The following ELF1 variants were observed in gnomAD, a reference collection of about 807,000 sequenced individuals.
ELF1 encodes ETS-related transcription factor Elf-1.
ELF1 carries 24 observed loss-of-function variants against 59.9 expected under a neutral mutation model. That is an observed-to-expected ratio of 0.40 (90% CI 0.29 to 0.56). The LOEUF (loss-of-function observed/expected upper bound fraction) is 0.56. Among genes scored for constraint, ELF1 ranks in the 20% least tolerant of loss-of-function variants. The probability of loss-of-function intolerance (pLI) is 0.44; values close to 1 mark genes in which losing one functional copy is unlikely to be tolerated. For synonymous variants in ELF1, 248 were observed against 266.2 expected (o/e 0.93, Z 0.67); for missense variants, 627 against 742.2 (o/e 0.84, Z 1.80).
chr13:40,956,571 CAAAAAAAAA>C (rs34245662), intron 3 of ELF1, among the ~76,000 whole-genome samples: 14 of 76,146 alleles, frequency 1.8e-4, no homozygotes, highest in South Asian at 4.4e-4. Flanking sequence ...CAAGAATGAT[CAAAAAAAAA>C]AAAAAAAAAA....
At chr13:41,000,826 T>C (rs1874390456) in intron 1 of ELF1, among the ~76,000 whole-genome samples, 1 of 151,904 alleles carries the variant, frequency 6.6e-6, no homozygotes, top group African/African-American at 2.4e-5. Flanking sequence ...TCTGCATAGA[T>C]ACAAAAATCT....
At chr13:40,959,223 G>A (rs543374694) in intron 2 of ELF1, among the ~76,000 whole-genome samples, 68 of 152,166 alleles carry the variant, frequency 4.5e-4, no homozygotes, top group African/African-American at 1.5e-3. Context: ...AAGGCTGGGC[G>A]CGGTGACTCA....
intron 2 of ELF1, among the ~76,000 whole-genome samples, chr13:40,962,692 A>G (rs1871917023): frequency 1.3e-5 from 2 of 152,006 alleles, no homozygotes; most frequent in African/African-American, 2.4e-5. Flanking sequence ...AAAAAAAAAA[A>G]AAAAGAAGAA....
At chr13:40,977,736 T>C (rs1336032051) in intron 2 of ELF1, among the ~76,000 whole-genome samples, 2 of 152,196 alleles carry the variant, frequency 1.3e-5, no homozygotes, top group Admixed American at 6.5e-5. Flanking sequence ...AAGCTAACTC[T>C]AAAATTCATT....
Position 40,968,102 on chromosome 13 carries a change from G to C in ELF1, c.73-9086C>G, listed in dbSNP as rs866221794. On this transcript the variant is annotated intron_variant, in intron 2 of 8. Transcript: ENST00000239882. Reference sequence around the variant, plus strand: ...TGATACATATGTGTGTTCACTTTGTGAAAATTCATAAACTGCATGCTTATT... The same window carrying C: ...TGATACATATGTGTGTTCACTTTGTCAAAATTCATAAACTGCATGCTTATT... 5.9e-5 allele frequency among the ~76,000 whole-genome samples: 9 copies of C among 152,276 alleles called. No individual in the cohort carries two copies. In the South Asian group the frequency reaches 1.0e-3, roughly 18 times the overall value.
At chr13:40,955,161 C>T (rs1277937663) in intron 3 of ELF1, among the ~76,000 whole-genome samples, 52 of 149,760 alleles carry the variant, frequency 3.5e-4, no homozygotes, top group Admixed American at 5.3e-4. Context: ...GTGAGGAGCC[C>T]CTCCGCCCGG....
rs556041668 is a variant in ELF1 at position 41,060,847 on chromosome 13, A to G, written c.-238T>C. The G allele has an allele frequency of 2.3e-5, 7 of 303,056 alleles. 2 individuals are homozygous for G. The highest frequency in any genetic ancestry group is 4.6e-5 in the Non-Finnish European group (7 of 153,228). 18.8% of individuals were successfully genotyped at this position (303,056 alleles called of 1,614,324 possible). A position where few individuals can be genotyped will look rare whatever the true frequency, so the allele number is the denominator to read the frequency against. ...AACTGCCGTGACCCACCTGACAAGCATAAGTGCCTCTGCCTCCTTCGCCGC... is the reference window on the plus strand; with the variant it reads ...AACTGCCGTGACCCACCTGACAAGCGTAAGTGCCTCTGCCTCCTTCGCCGC... On this transcript the variant is annotated 5_prime_UTR_variant, in exon 1 of 2. Coordinates refer to the ELF1 transcript ENST00000405737.
chr13:40,954,501 A>C (rs985294515), intron 3 of ELF1, among the ~76,000 whole-genome samples: 1 of 151,098 alleles, frequency 6.6e-6, no homozygotes, highest in Non-Finnish European at 1.5e-5. Context: ...ATGCCGAGCC[A>C]AAGCTGGACT....
chr13:41,029,096 C>T (rs1273507474), intron 1 of ELF1, among the ~76,000 whole-genome samples: 3 of 152,160 alleles, frequency 2.0e-5, no homozygotes, highest in Non-Finnish European at 4.4e-5. Flanking sequence ...AAGAGAACAA[C>T]ATTCAAGAGC....
At chr13:41,023,207 G>A (rs1406422619), upstream of ELF1, among the ~76,000 whole-genome samples, 1 of 152,090 alleles carries the variant, frequency 6.6e-6, no homozygotes, top group Non-Finnish European at 1.5e-5. Context: ...TTTATAAAAA[G>A]AATTTATTGT....
At chr13:41,045,305 TCTTA>T (rs1440125339) in intron 1 of ELF1, among the ~76,000 whole-genome samples, 4 of 152,120 alleles carry the variant, frequency 2.6e-5, no homozygotes, top group East Asian at 1.9e-4. Flanking sequence ...TCAGTTCTGC[TCTTA>T]CTTATTTCTT....
upstream of ELF1, among the ~76,000 whole-genome samples, chr13:41,019,676 G>A (rs1421748348): frequency 6.6e-6 from 1 of 150,560 alleles, no homozygotes; most frequent in Non-Finnish European, 1.5e-5. Flanking sequence ...TATGAAAGGG[G>A]ATGGAAGGGA....
Position 40,933,492 on chromosome 13 carries a change from C to A in ELF1, c.1793G>T (p.Ser598Ile). 1 of 1,614,228 alleles carries A rather than the reference C, an allele frequency of 6.2e-7. No individual in the cohort carries two copies. Among genetic ancestry groups the A allele is most frequent in the Non-Finnish European group, 8.5e-7 (1 of 1,180,042 alleles). The change falls in exon 9 of 9, where the codon AGT (serine) becomes ATT (isoleucine). Residue 598 changes from serine (S) to isoleucine (I), a missense_variant. Ser to Ile is a moderately radical substitution (Grantham distance 142, BLOSUM62 -2). Transcript: ENST00000239882. ...QPQPYVMVVS[S>I]SNGFTSQVAM... The stretch of plus-strand genomic sequence containing the variant: ...TACCTGAGAAGTAAATCCATTGGAA[C>A]TGGACACTACCATCACATAAGGCTG...
intron 1 of ELF1, among the ~76,000 whole-genome samples, chr13:41,003,230 A>G (rs1039018360): frequency 6.6e-6 from 1 of 152,170 alleles, no homozygotes; most frequent in African/African-American, 2.4e-5. Flanking sequence ...CCCAACAAAG[A>G]GCACAAAAAA....
chr13:40,945,189 G>A (rs1013224666), intron 5 of ELF1, among the ~76,000 whole-genome samples: 6 of 152,096 alleles, frequency 3.9e-5, no homozygotes, highest in Admixed American at 3.3e-4. Flanking sequence ...AAAAAAAATA[G>A]ATATCGTCTT....
chr13:41,054,437 T>C (rs190242140), intron 1 of ELF1, among the ~76,000 whole-genome samples: 8 of 152,332 alleles, frequency 5.3e-5, no homozygotes, highest in Non-Finnish European at 1.2e-4. Context: ...ATTAACTTGT[T>C]CATGGAGTCA....
In ELF1 at chr13:40,935,426, A is replaced by G. The variant is rs1311345588; in HGVS notation, c.1257-1398T>C. On this transcript the variant is annotated intron_variant, in intron 8 of 8. Coordinates refer to ENST00000239882, the MANE Select transcript of ELF1 (RefSeq NM_172373.4). ...TTATGCAGTCTGTTTCTCACATATG[A>G]GAAATAAAATAGTGGAGGAGAAAAA... Among the ~76,000 whole-genome samples the G allele has an allele frequency of 2.6e-5, 4 of 152,340 alleles. No individual in the cohort carries two copies. In the East Asian group the frequency reaches 7.7e-4, roughly 29 times the overall value.
At chr13:41,012,173 C>T (rs746329205) in intron 1 of ELF1, among the ~76,000 whole-genome samples, 1 of 151,682 alleles carries the variant, frequency 6.6e-6, no homozygotes, top group African/African-American at 2.4e-5. Context: ...ATTAGCTAGG[C>T]GCCATGGTGG....
intron 1 of ELF1, among the ~76,000 whole-genome samples, chr13:41,043,517 CAT>C (rs200080741): frequency 0.011 from 1,696 of 152,284 alleles, 37 homozygotes; most frequent in African/African-American, 0.038. Flanking sequence ...CAGCTTTCTA[CAT>C]ATGTCTAGCC....
Sources: allele counts gnomAD v4.1 joint callset (sites outside exome capture counted in the v4.1 genomes callset), GRCh38; gene constraint gnomAD v4.1.1; transcripts MANE v1.5; gene names NCBI Gene and HGNC (gene_info 2026-07-23, HGNC 2026-07-21).